MBNL1: variants seen among roughly 807,000 people sequenced by gnomAD.
MBNL1 encodes muscleblind-like protein 1.
A neutral mutation model predicts 42.2 loss-of-function variants in MBNL1; 8 were observed. The ratio of observed to expected loss-of-function variants is 0.19; its 90% CI spans 0.11 to 0.34. The LOEUF is 0.34. Among genes scored for constraint, MBNL1 ranks in the 10% least tolerant of loss-of-function variants. MBNL1 has a pLI of 1.00. For missense variants in MBNL1, 309 were observed against 495.3 expected (o/e 0.62, Z 3.57); for synonymous variants, 169 against 173.9 (o/e 0.97, Z 0.22).
At chr3:152,377,651 T>C (rs1307111002) in intron 2 of MBNL1, among the ~76,000 whole-genome samples, 1 of 152,210 alleles carries the variant, frequency 6.6e-6, no homozygotes, top group African/African-American at 2.4e-5. Flanking sequence ...CACATTAACA[T>C]ATTTGGAGGC....
chr3:152,348,523 C>T (rs948999025), intron 2 of MBNL1, among the ~76,000 whole-genome samples: 3 of 152,094 alleles, frequency 2.0e-5, no homozygotes, highest in East Asian at 1.9e-4. Context: ...ATAGTACAGT[C>T]ATAATCTTTT....
chr3:152,340,145 A>G (rs2092736302), intron 2 of MBNL1: 1 of 170,248 alleles, frequency 5.9e-6, no homozygotes, highest in Admixed American at 6.1e-5. Flanking sequence ...CTCTTCAAAG[A>G]TAAAGAAACG....
At chr3:152,290,316 A>T (rs189553224) in intron 1 of MBNL1, among the ~76,000 whole-genome samples, 2 of 152,110 alleles carry the variant, frequency 1.3e-5, no homozygotes, top group East Asian at 3.9e-4. Flanking sequence ...TTTTTAAATT[A>T]TATCTGTCAT....
intron 2 of MBNL1, chr3:152,340,887 G>T: frequency 6.2e-7 from 1 of 1,612,126 alleles, no homozygotes; most frequent in Non-Finnish European, 8.5e-7. Context: ...GCACCTGTGG[G>T]CCAGGGTCCA....
At chr3:152,415,137 A>C (rs367775933) in intron 3 of MBNL1, 26 bp downstream of exon 3, 11 of 1,539,058 alleles carry the variant, frequency 7.1e-6, no homozygotes, top group East Asian at 4.7e-5. Context: ...GTCTTCACTC[A>C]TTAAGTTTTT....
chr3:152,418,667 C>T (rs1486079817), intron 3 of MBNL1, among the ~76,000 whole-genome samples: 1 of 138,046 alleles, frequency 7.2e-6, no homozygotes, highest in Non-Finnish European at 1.6e-5. Context: ...CCTTCCTCAA[C>T]AAATGGTGAA....
chr3:152,346,395 C>T (rs1407122382), intron 2 of MBNL1, among the ~76,000 whole-genome samples: 5 of 152,050 alleles, frequency 3.3e-5, no homozygotes, highest in Non-Finnish European at 1.5e-5. Context: ...ATACCTTTCA[C>T]ATAAGTGAGA....
In MBNL1 at chr3:152,303,430, CT is replaced by C. The variant is rs1560061254; in HGVS notation, c.174+3065del. 1.3e-5 allele frequency among the ~76,000 whole-genome samples: 2 copies of C among 152,084 alleles called. 1 individual carries two copies. The highest frequency in any genetic ancestry group is 3.9e-4 in the East Asian group (2 of 5,192). On this transcript the variant is annotated intron_variant, in intron 2 of 9. Transcript: ENST00000324210. ...CGTATTCAAGCTGAGACTTAAATTG[CT>C]TACGTGCTATAGATTTAGGTGTATT... is the stretch of plus-strand genomic sequence containing the variant.
intron 1 of MBNL1, among the ~76,000 whole-genome samples, chr3:152,287,948 A>G (rs1242658626): frequency 6.6e-6 from 1 of 152,214 alleles, no homozygotes; most frequent in Non-Finnish European, 1.5e-5. Flanking sequence ...TAGCAAAGGA[A>G]CTAAATCTCA....
At chr3:152,427,918 A>G (rs1190566678) in intron 3 of MBNL1, among the ~76,000 whole-genome samples, 1 of 148,564 alleles carries the variant, frequency 6.7e-6, no homozygotes, top group African/African-American at 2.5e-5. Context: ...TACTCCCTCT[A>G]TTTTTTTTTT....
intron 3 of MBNL1, among the ~76,000 whole-genome samples, chr3:152,428,061 C>T (rs1006766850): frequency 1.3e-5 from 2 of 151,190 alleles, no homozygotes; most frequent in African/African-American, 4.9e-5. Flanking sequence ...TAAAAAATTG[C>T]AAAACAAAAG....
At chr3:152,407,913 A>C (rs1159267855) in intron 2 of MBNL1, among the ~76,000 whole-genome samples, 1 of 152,138 alleles carries the variant, frequency 6.6e-6, no homozygotes, top group Non-Finnish European at 1.5e-5. Flanking sequence ...CCCACTTATA[A>C]GTGGGAGCTG....
rs537584269 is a variant in MBNL1, at chr3:152,281,254, A to G, written c.-790+12162A>G. Among the ~76,000 whole-genome samples, 152 of 152,208 alleles carry G rather than the reference A, an allele frequency of 1.0e-3. 1 individual carries two copies. Among genetic ancestry groups the G allele is most frequent in the African/African-American group, 3.6e-3 (149 of 41,532 alleles). ...TTGCTCAAGGGTCATATGATAAGGT[A>G]CTACTGTGAGAGCTGAGATCTCAAC... On this transcript the variant is annotated intron_variant, in intron 1 of 9. Coordinates refer to ENST00000324210, the MANE Select transcript of MBNL1 (RefSeq NM_021038.5).
At chr3:152,379,572 C>G (rs1405398671) in intron 2 of MBNL1, among the ~76,000 whole-genome samples, 2 of 152,156 alleles carry the variant, frequency 1.3e-5, no homozygotes, top group Admixed American at 1.3e-4. Flanking sequence ...ACTACACGTT[C>G]TTATAAGCAC....
At chr3:152,254,754 T>C (rs2035206807) in intron 2 of MBNL1, among the ~76,000 whole-genome samples, 1 of 152,124 alleles carries the variant, frequency 6.6e-6, no homozygotes, top group South Asian at 2.1e-4. Context: ...TTAGTAACAA[T>C]AATAGCTCTG....
At chr3:152,318,246 G>A (rs2073568961) in intron 2 of MBNL1, among the ~76,000 whole-genome samples, 1 of 152,082 alleles carries the variant, frequency 6.6e-6, no homozygotes, top group Admixed American at 6.6e-5. Flanking sequence ...ACCGTTGGAA[G>A]AAAAAAGCAG....
intron 2 of MBNL1, among the ~76,000 whole-genome samples, chr3:152,306,569 T>C (rs1030484386): frequency 2.6e-5 from 4 of 152,238 alleles, no homozygotes; most frequent in Non-Finnish European, 4.4e-5. Flanking sequence ...TGACTGATTT[T>C]GGTAGCAGGG....
At chr3:152,432,297 A>G (rs1433967015) in intron 3 of MBNL1, among the ~76,000 whole-genome samples, 1 of 152,254 alleles carries the variant, frequency 6.6e-6, no homozygotes, top group Admixed American at 6.5e-5. Context: ...ACCTATTAAC[A>G]GTTGTAAACA....
intron 2 of MBNL1, among the ~76,000 whole-genome samples, chr3:152,358,178 A>C (rs1483575131): frequency 6.6e-6 from 1 of 152,232 alleles, no homozygotes; most frequent in Non-Finnish European, 1.5e-5. Flanking sequence ...AAATGTGTAT[A>C]AAGAGAGATT....
Sources: allele counts gnomAD v4.1 joint callset (sites outside exome capture counted in the v4.1 genomes callset), GRCh38; gene constraint gnomAD v4.1.1; transcripts MANE v1.5; gene names NCBI Gene and HGNC (gene_info 2026-07-23, HGNC 2026-07-21).